ARID4B: variants seen among roughly 807,000 people sequenced by gnomAD.
The protein encoded by ARID4B is AT-rich interaction domain 4B.
In ARID4B, 26 loss-of-function variants were observed where a neutral mutation model predicts 147.5. The observed-to-expected ratio is 0.18, with a 90% confidence interval of 0.13 to 0.24. ARID4B has a LOEUF of 0.24. ARID4B is among the 10% of genes least tolerant of loss of function. The probability of loss-of-function intolerance (pLI) is 1.00; values close to 1 mark genes in which losing one functional copy is unlikely to be tolerated. For synonymous variants in ARID4B, 512 were observed against 507.9 expected (o/e 1.01, Z -0.11); for missense variants, 1,179 against 1,511.5 (o/e 0.78, Z 3.65).
Position 235,197,806 on chromosome 1 carries a change from G to T in ARID4B, c.1842-1691C>A, listed in dbSNP as rs145471271. 5.3e-5 allele frequency among the ~76,000 whole-genome samples: 8 copies of T among 152,292 alleles called. No homozygotes were observed. The East Asian group carries it at 1.5e-3, about 29-fold the overall frequency. ...GGTAAGTACTTTGAAAAGCTTTAAA[G>T]TAAGTATTCTTCTACTAAATACACT... On this transcript the variant is annotated intron_variant, in intron 17 of 23. Coordinates refer to ENST00000264183, the MANE Select transcript of ARID4B (RefSeq NM_016374.6).
At chr1:235,286,917 G>A (rs1362714969) in intron 2 of ARID4B, among the ~76,000 whole-genome samples, 1 of 152,130 alleles carries the variant, frequency 6.6e-6, no homozygotes, top group African/African-American at 2.4e-5. Context: ...AGAAGAACTG[G>A]GTAAAGACAT....
chr1:235,264,963 G>C (rs1450963237), intron 2 of ARID4B, among the ~76,000 whole-genome samples: 1 of 141,158 alleles, frequency 7.1e-6, no homozygotes, highest in Non-Finnish European at 1.6e-5. Flanking sequence ...GGGAGGCTGA[G>C]GCAGAAGAAT....
At chr1:235,247,552 G>A (rs1669375314) in intron 6 of ARID4B, among the ~76,000 whole-genome samples, 1 of 152,090 alleles carries the variant, frequency 6.6e-6, no homozygotes, top group African/African-American at 2.4e-5. Context: ...AGCCATAAAG[G>A]ATTAACTAAA....
intron 17 of ARID4B, among the ~76,000 whole-genome samples, chr1:235,198,315 A>G (rs889228159): frequency 1.3e-5 from 2 of 152,192 alleles, no homozygotes; most frequent in East Asian, 3.8e-4. Flanking sequence ...AGTAGGGTAA[A>G]ATAGTAGTTT....
At chr1:235,321,410 C>A (rs142758425) in intron 2 of ARID4B, among the ~76,000 whole-genome samples, 61 of 152,256 alleles carry the variant, frequency 4.0e-4, no homozygotes, top group African/African-American at 1.5e-3. Context: ...ACTAGCAGGT[C>A]CAATGACAGC....
intron 2 of ARID4B, among the ~76,000 whole-genome samples, chr1:235,287,178 GA>G (rs1672028830): frequency 6.6e-6 from 1 of 152,188 alleles, no homozygotes; most frequent in African/African-American, 2.4e-5. Flanking sequence ...AGAATTGCTT[GA>G]ACCCAAGAGG....
In ARID4B at chr1:235,168,665, G is replaced by C. The variant is rs1663105220; in HGVS notation, c.3812-13C>G. ...GATGTAGCAGCACCTAAGGAAAAGG[G>C]AGACCAAACCAAGAGCTTAATAAAA... On this transcript the variant is annotated splice_polypyrimidine_tract_variant and intron_variant, in intron 23 of 23. Transcript: ENST00000264183. 1 of 1,609,516 alleles carries C rather than the reference G, an allele frequency of 6.2e-7. No individual in the cohort carries two copies. Among genetic ancestry groups the C allele is most frequent in the Admixed American group, 1.7e-5 (1 of 59,344 alleles).
chr1:235,214,858 G>A (rs75412708), intron 16 of ARID4B, among the ~76,000 whole-genome samples: 4 of 14,380 alleles, frequency 2.8e-4, no homozygotes, highest in African/African-American at 7.2e-4. Context: ...TTTTTTTTTT[G>A]ATAGATTTTC....
intron 2 of ARID4B, among the ~76,000 whole-genome samples, chr1:235,302,190 A>C (rs1448791055): frequency 1.4e-5 from 2 of 145,840 alleles, no homozygotes; most frequent in Non-Finnish European, 1.5e-5. Flanking sequence ...GCAAAAAAAA[A>C]CAAAGAAACA....
intron 2 of ARID4B, among the ~76,000 whole-genome samples, chr1:235,261,035 G>C (rs1670260907): frequency 6.6e-6 from 1 of 151,928 alleles, no homozygotes; most frequent in Non-Finnish European, 1.5e-5. Flanking sequence ...TACCCCTCTA[G>C]TCACTCATTC....
chr1:235,309,774 C>T (rs1180446138), intron 2 of ARID4B, among the ~76,000 whole-genome samples: 3 of 152,078 alleles, frequency 2.0e-5, no homozygotes, highest in Non-Finnish European at 2.9e-5. Flanking sequence ...AGATGGTTGC[C>T]GTGTCTGTGT....
intron 2 of ARID4B, among the ~76,000 whole-genome samples, chr1:235,322,642 T>C (rs1214331398): frequency 6.6e-6 from 1 of 152,218 alleles, no homozygotes; most frequent in African/African-American, 2.4e-5. Context: ...TACTCATAAA[T>C]AGATATGCTA....
chr1:235,308,441 C>T (rs888522325), intron 2 of ARID4B, among the ~76,000 whole-genome samples: 10 of 144,558 alleles, frequency 6.9e-5, no homozygotes, highest in Admixed American at 1.4e-4. Flanking sequence ...CAGGGGCTCC[C>T]CCTCCCCCTC....
intron 17 of ARID4B, among the ~76,000 whole-genome samples, chr1:235,201,792 G>C (rs1299174012): frequency 6.6e-6 from 1 of 151,960 alleles, no homozygotes; most frequent in Non-Finnish European, 1.5e-5. Context: ...GCTGAGGCAG[G>C]AGAATCACTT....
rs553647963 is a variant in ARID4B at position 235,205,732 on chromosome 1, A to T, written c.1841+8037T>A. 2.0e-5 allele frequency among the ~76,000 whole-genome samples: 3 copies of T among 152,364 alleles called. No homozygotes were observed. The East Asian group carries it at 5.8e-4, about 29-fold the overall frequency. On this transcript the variant is annotated intron_variant, in intron 17 of 23. Coordinates refer to ENST00000264183, the MANE Select transcript of ARID4B (RefSeq NM_016374.6). Reference sequence around the variant, plus strand: ...CAAAAACTTGAAGGGACGTTCCTCTAAAGAAGATATACAAATGGCTAATAA... The same window carrying T: ...CAAAAACTTGAAGGGACGTTCCTCTTAAGAAGATATACAAATGGCTAATAA...
intron 2 of ARID4B, among the ~76,000 whole-genome samples, chr1:235,272,016 ATCC>A (rs536886179): frequency 1.1e-3 from 171 of 152,240 alleles, no homozygotes; most frequent in African/African-American, 3.8e-3. Flanking sequence ...CGTGTTTCAT[ATCC>A]TCAAGAATAT....
At chr1:235,293,352 T>C (rs1256481835) in intron 2 of ARID4B, among the ~76,000 whole-genome samples, 1 of 152,216 alleles carries the variant, frequency 6.6e-6, no homozygotes, top group Non-Finnish European at 1.5e-5. Flanking sequence ...TACATGCTCA[T>C]TTTAAAAACC....
chr1:235,242,547 G>C (rs1669056229), intron 7 of ARID4B, among the ~76,000 whole-genome samples: 1 of 152,170 alleles, frequency 6.6e-6, no homozygotes, highest in Admixed American at 6.5e-5. Flanking sequence ...CATTCAGCTA[G>C]GGGTTTATGA....
At chr1:235,217,932 T>C (rs1667203487) in intron 16 of ARID4B, among the ~76,000 whole-genome samples, 2 of 152,168 alleles carry the variant, frequency 1.3e-5, no homozygotes, top group African/African-American at 4.8e-5. Flanking sequence ...ATATACTGTG[T>C]TTTTTCCTAT....
Sources: allele counts gnomAD v4.1 joint callset (sites outside exome capture counted in the v4.1 genomes callset), GRCh38; gene constraint gnomAD v4.1.1; transcripts MANE v1.5; gene names NCBI Gene and HGNC (gene_info 2026-07-23, HGNC 2026-07-21).